The following NTRK3 variants were observed in gnomAD, a reference collection of about 807,000 sequenced individuals.
NTRK3 encodes the protein neurotrophic receptor tyrosine kinase 3, also known as NT-3 growth factor receptor.
In NTRK3, 24 loss-of-function variants were observed where a neutral mutation model predicts 91.7. The ratio of observed to expected loss-of-function variants is 0.26; its 90% confidence interval spans 0.19 to 0.37. The LOEUF (loss-of-function observed/expected upper bound fraction) is 0.37. Among genes scored for constraint, NTRK3 ranks in the 10% least tolerant of loss-of-function variants. The pLI is 1.00. For synonymous variants in NTRK3, 483 were observed against 404.0 expected, an observed-to-expected ratio of 1.20 and a Z score of -2.34; for missense variants, 880 against 1,068.9, an observed-to-expected ratio of 0.82 and a Z score of 2.46.
At chr15:87,869,860 C>G (rs913224003) in exon 19 of NTRK3, 1 of 192,788 alleles carries the variant, frequency 5.2e-6, no homozygotes, top group Non-Finnish European at 1.1e-5. Flanking sequence ...TGAATGTGTC[C>G]TACCATTTAA....
At chr15:87,928,480 A>G (rs1370314733) in intron 17 of NTRK3, 1 of 152,394 alleles carries the variant, frequency 6.6e-6, no homozygotes, top group Non-Finnish European at 1.5e-5. Context: ...GGGAAAAAAA[A>G]AGATTCTAGG....
chr15:88,033,284 A>T (rs1287206894), intron 13 of NTRK3, among the ~76,000 whole-genome samples: 23 of 138,750 alleles, frequency 1.7e-4, no homozygotes, highest in Middle Eastern at 8.0e-3. Context: ...ATGGCTTACA[A>T]TTTTTTTTCC....
At chr15:87,883,393 G>T (rs1015827135) in intron 17 of NTRK3, among the ~76,000 whole-genome samples, 4 of 148,042 alleles carry the variant, frequency 2.7e-5, no homozygotes, top group Non-Finnish European at 4.5e-5. Flanking sequence ...ACATATATAT[G>T]TATATGTGTG....
At chr15:88,029,962 C>T (rs1395176604) in intron 14 of NTRK3, among the ~76,000 whole-genome samples, 1 of 152,198 alleles carries the variant, frequency 6.6e-6, no homozygotes, top group African/African-American at 2.4e-5. Flanking sequence ...GAGGATTAGA[C>T]AAATGCAGCT....
At chr15:88,063,500 G>A (rs961851052) in intron 13 of NTRK3, among the ~76,000 whole-genome samples, 1 of 152,222 alleles carries the variant, frequency 6.6e-6, no homozygotes, top group Non-Finnish European at 1.5e-5. Context: ...CCCACTGGGT[G>A]TCTCTCTGCT....
intron 3 of NTRK3, among the ~76,000 whole-genome samples, chr15:88,242,809 C>A (rs1261930274): frequency 2.0e-5 from 3 of 152,248 alleles, no homozygotes; most frequent in Non-Finnish European, 2.9e-5. Context: ...GGCGGCCAGA[C>A]ACCTGGGCAC....
At chr15:88,176,174 G>A (rs943692987) in intron 5 of NTRK3, among the ~76,000 whole-genome samples, 20 of 115,522 alleles carry the variant, frequency 1.7e-4, no homozygotes, top group African/African-American at 7.1e-4. Context: ...GTCTCACTCT[G>A]TCACCAGGCT....
chr15:88,168,776 C>A (rs546140935), intron 5 of NTRK3, among the ~76,000 whole-genome samples: 20 of 152,300 alleles, frequency 1.3e-4, no homozygotes, highest in South Asian at 1.0e-3. Context: ...CTCTATGAAG[C>A]AGGTACCTGC....
At chr15:88,212,700 TCACACACACACACACACA>T (rs60620542) in intron 3 of NTRK3, among the ~76,000 whole-genome samples, 29 of 146,228 alleles carry the variant, frequency 2.0e-4, no homozygotes, top group African/African-American at 5.7e-4. Flanking sequence ...GGCTGCTGCA[TCACACACACACACACACA>T]CACACACACA....
In NTRK3 at chr15:88,233,010, G is replaced by A. The variant is rs1157516071; in HGVS notation, c.248+22896C>T. Among the ~76,000 whole-genome samples, 2 of 152,266 alleles carry A rather than the reference G, an allele frequency of 1.3e-5. No homozygotes were observed. Among genetic ancestry groups the A allele is most frequent in the African/African-American group, 2.4e-5 (1 of 41,550 alleles). Reference sequence around the variant, plus strand: ...CCAGACCCTCCCCCCAGCCCAGAGCGAAAGTTTGACTAAAGCTCAGTGTCT... The same window carrying A: ...CCAGACCCTCCCCCCAGCCCAGAGCAAAAGTTTGACTAAAGCTCAGTGTCT... On this transcript the variant is annotated intron_variant, in intron 3 of 18. Transcript: ENST00000394480. The surrounding 1 kb of genome is among the most constrained non-coding windows in gnomAD (Gnocchi z 4.2).
intron 13 of NTRK3, among the ~76,000 whole-genome samples, chr15:88,098,190 C>T (rs769190312): frequency 6.6e-6 from 1 of 152,080 alleles, no homozygotes; most frequent in Non-Finnish European, 1.5e-5. Context: ...GAAGAGCAAC[C>T]GGGGTTTATA....
intron 13 of NTRK3, among the ~76,000 whole-genome samples, chr15:88,057,388 C>T (rs2045812438): frequency 6.6e-6 from 1 of 151,662 alleles, no homozygotes; most frequent in Non-Finnish European, 1.5e-5. Context: ...ATCCCAGCTA[C>T]TCAGGAGGCT....
At chr15:88,005,922 G>T (rs987569772) in intron 14 of NTRK3, among the ~76,000 whole-genome samples, 1 of 152,116 alleles carries the variant, frequency 6.6e-6, no homozygotes, top group East Asian at 1.9e-4. Context: ...GAGCATAAGA[G>T]GTTTCTGTAG....
intron 17 of NTRK3, among the ~76,000 whole-genome samples, chr15:87,883,006 C>T (rs1008151498): frequency 6.6e-6 from 1 of 151,320 alleles, no homozygotes; most frequent in Non-Finnish European, 1.5e-5. Context: ...ATAGACATGT[C>T]TAAAACAAAA....
At chr15:87,904,554 C>A (rs1418241342) in intron 17 of NTRK3, among the ~76,000 whole-genome samples, 1 of 152,100 alleles carries the variant, frequency 6.6e-6, no homozygotes, top group Non-Finnish European at 1.5e-5. Context: ...GTAAAGGATG[C>A]ATCTATGACC....
At chr15:88,198,612 G>C (rs1452854186) in intron 3 of NTRK3, among the ~76,000 whole-genome samples, 1 of 152,232 alleles carries the variant, frequency 6.6e-6, no homozygotes, top group Non-Finnish European at 1.5e-5. Context: ...GGCTTCCCTT[G>C]TGAGAGCATA....
At chr15:88,098,539 T>C (rs2049859743) in intron 13 of NTRK3, 1 of 225,482 alleles carries the variant, frequency 4.4e-6, no homozygotes, top group Non-Finnish European at 8.8e-6. Context: ...CAGGAGACGG[T>C]AAACAACAGA....
chr15:88,114,938 T>A (rs950453603), intron 13 of NTRK3, among the ~76,000 whole-genome samples: 3 of 152,234 alleles, frequency 2.0e-5, no homozygotes, highest in Non-Finnish European at 4.4e-5. Flanking sequence ...TAGTCATTTA[T>A]TGTTAGATCT....
intron 3 of NTRK3, among the ~76,000 whole-genome samples, chr15:88,231,392 C>T (rs1435841864): frequency 6.6e-6 from 1 of 152,118 alleles, no homozygotes; most frequent in Non-Finnish European, 1.5e-5. Flanking sequence ...TGCTTCTCCT[C>T]TTCCTCAATC....
Sources: gnomAD v4.1 joint callset for allele counts (sites outside exome capture counted in the v4.1 genomes callset) on GRCh38, gnomAD v4.1.1 for gene constraint, Gnocchi (gnomAD v3.1) non-coding constraint, MANE v1.5 for transcripts, NCBI Gene and HGNC (gene_info 2026-07-23, HGNC 2026-07-21) for gene names.